Variants in C8orf34 observed in about 807,000 individuals in gnomAD.
The protein encoded by C8orf34 is uncharacterized protein C8orf34.
Under a neutral mutation model 68.3 loss-of-function variants are expected in C8orf34, and 65 were observed. The observed-to-expected ratio is 0.95, with a 90% CI of 0.78 to 1.17. C8orf34 has a LOEUF of 1.17. C8orf34 is among the 50% of genes most tolerant of loss of function. The pLI is 0.00. For missense variants in C8orf34, 664 were observed against 655.4 expected, an observed-to-expected ratio of 1.01 and a Z score of -0.14; for synonymous variants, 244 against 241.2, an observed-to-expected ratio of 1.01 and a Z score of -0.11.
At chr8:68,746,659 A>G (rs1169269560) in intron 10 of C8orf34, among the ~76,000 whole-genome samples, 12 of 149,386 alleles carry the variant, frequency 8.0e-5, no homozygotes, top group Admixed American at 5.4e-4. Context: ...TCCTCGACAC[A>G]TACACCCTCC....
At chr8:68,766,449 TGGA>T (rs1424577622) in intron 10 of C8orf34, among the ~76,000 whole-genome samples, 1 of 152,214 alleles carries the variant, frequency 6.6e-6, no homozygotes, top group African/African-American at 2.4e-5. Context: ...AAGAGCTTAA[TGGA>T]GGAGAATTTA....
At chr8:68,508,261 T>G (rs1330996441) in intron 5 of C8orf34, among the ~76,000 whole-genome samples, 4 of 152,182 alleles carry the variant, frequency 2.6e-5, no homozygotes, top group Non-Finnish European at 5.9e-5. Flanking sequence ...TTCTGAAAAT[T>G]TATTAGGTTC....
intron 12 of C8orf34, among the ~76,000 whole-genome samples, chr8:68,800,580 G>C (rs1824302024): frequency 6.6e-6 from 1 of 152,152 alleles, no homozygotes; most frequent in African/African-American, 2.4e-5. Context: ...AATTTTCAGA[G>C]TAAGCCCTTA....
intron 7 of C8orf34, among the ~76,000 whole-genome samples, chr8:68,581,885 A>T (rs17476441): frequency 0.015 from 2,238 of 152,266 alleles, 35 homozygotes; most frequent in Non-Finnish European, 0.019. Flanking sequence ...TAGATGCAAG[A>T]GAGTCTCAGT....
chr8:68,380,274 G>T (rs1341738836), intron 1 of C8orf34, among the ~76,000 whole-genome samples: 2 of 152,146 alleles, frequency 1.3e-5, no homozygotes, highest in Non-Finnish European at 2.9e-5. Flanking sequence ...CAGTTGATAA[G>T]TTAAAAAGAA....
intron 7 of C8orf34, among the ~76,000 whole-genome samples, chr8:68,624,288 A>AAAT (rs1818472649): frequency 6.6e-6 from 1 of 151,962 alleles, no homozygotes; most frequent in African/African-American, 2.4e-5. Context: ...AAAAAAAAAA[A>AAAT]ATTGAAATTG....
chr8:68,481,189 G>T (rs369776937), intron 4 of C8orf34, among the ~76,000 whole-genome samples: 167 of 152,344 alleles, frequency 1.1e-3, no homozygotes, highest in African/African-American at 3.8e-3. Flanking sequence ...GCTTCAGAGG[G>T]TATAAGCCCC....
intron 1 of C8orf34, among the ~76,000 whole-genome samples, chr8:68,393,173 A>G (rs1808543266): frequency 6.6e-6 from 1 of 152,132 alleles, no homozygotes; most frequent in Admixed American, 6.6e-5. Context: ...ATGGTCTGAA[A>G]CCAGGGGAGA....
chr8:68,548,569 A>G (rs1012510227), intron 7 of C8orf34, among the ~76,000 whole-genome samples: 3 of 151,820 alleles, frequency 2.0e-5, no homozygotes, highest in Non-Finnish European at 4.4e-5. Context: ...GAATTCTCAA[A>G]CATTGCTAAT....
chr8:68,633,090 T>C (rs889209961), intron 7 of C8orf34, among the ~76,000 whole-genome samples: 2 of 152,188 alleles, frequency 1.3e-5, no homozygotes, highest in African/African-American at 4.8e-5. Context: ...ACAGCCCTTG[T>C]ACCTACACAG....
At chr8:68,576,645 A>G (rs1378671786) in intron 7 of C8orf34, among the ~76,000 whole-genome samples, 1 of 152,062 alleles carries the variant, frequency 6.6e-6, no homozygotes, top group East Asian at 1.9e-4. Context: ...ACATTGCTAA[A>G]TGCATTGCTC....
chr8:68,799,745 A>G (rs1321381113), intron 12 of C8orf34, among the ~76,000 whole-genome samples: 1 of 152,218 alleles, frequency 6.6e-6, no homozygotes, highest in Non-Finnish European at 1.5e-5. Context: ...CATCTGAAGC[A>G]TTAGGCACAC....
chr8:68,447,933 A>G (rs925704508), intron 3 of C8orf34: 9 of 152,250 alleles, frequency 5.9e-5, no homozygotes, highest in Admixed American at 5.2e-4. Context: ...CAGTATAGCC[A>G]GTAATATCCA....
intron 3 of C8orf34, among the ~76,000 whole-genome samples, chr8:68,457,579 TG>T (rs1811606502): frequency 6.6e-6 from 1 of 152,156 alleles, no homozygotes; most frequent in Non-Finnish European, 1.5e-5. Flanking sequence ...TAAAAACGAT[TG>T]GTGGAGGTCA....
intron 4 of C8orf34, among the ~76,000 whole-genome samples, chr8:68,478,610 A>T (rs113300185): frequency 3.5e-4 from 54 of 152,216 alleles, no homozygotes; most frequent in Non-Finnish European, 6.9e-4. Context: ...TGGGTAATTT[A>T]TAAAGGAAAG....
chr8:68,366,301 T>C (rs1401418103), intron 1 of C8orf34, among the ~76,000 whole-genome samples: 2 of 131,610 alleles, frequency 1.5e-5, no homozygotes, highest in Non-Finnish European at 3.1e-5. Flanking sequence ...AGAATCAATA[T>C]TGTGAAAATG....
At chr8:68,772,490 G>A (rs1823369827) in intron 10 of C8orf34, among the ~76,000 whole-genome samples, 1 of 152,078 alleles carries the variant, frequency 6.6e-6, no homozygotes, top group Non-Finnish European at 1.5e-5. Flanking sequence ...TCTCTGACAG[G>A]CATAGTCCCA....
At chr8:68,625,691 A>G (rs988023362) in intron 7 of C8orf34, 2 of 673,206 alleles carry the variant, frequency 3.0e-6, no homozygotes, top group Non-Finnish European at 5.4e-6. Context: ...GTGGCACACC[A>G]CAAGGGAGTG....
chr8:68,374,466 A>G (rs1376259282), intron 1 of C8orf34, among the ~76,000 whole-genome samples: 2 of 152,186 alleles, frequency 1.3e-5, no homozygotes, highest in Non-Finnish European at 2.9e-5. Context: ...TTGTAGTTCA[A>G]ACTTACCAGA....
Sources: allele counts gnomAD v4.1 joint callset (sites outside exome capture counted in the v4.1 genomes callset), GRCh38; gene constraint gnomAD v4.1.1; transcripts MANE v1.5; gene names NCBI Gene and HGNC (gene_info 2026-07-23, HGNC 2026-07-21).